SIK3: variants seen among roughly 807,000 people sequenced by gnomAD.
SIK3 encodes the protein serine/threonine-protein kinase SIK3.
A neutral mutation model predicts 144.2 loss-of-function variants in SIK3; 28 were observed. That is an observed-to-expected ratio of 0.19 (90% CI 0.14 to 0.27). The LOEUF (loss-of-function observed/expected upper bound fraction) is 0.27. SIK3 is among the 10% of genes least tolerant of loss of function. The pLI is 1.00. For missense variants in SIK3, 1,319 were observed against 1,776.0 expected (o/e 0.74, Z 4.62); for synonymous variants, 686 against 676.3 (o/e 1.01, Z -0.22).
At position 116,861,358 on chromosome 11, in the gene SIK3, G is replaced by C; in HGVS notation, c.2341C>G (p.Pro781Ala). ...AGATGGTTGTTGGGGTGGTTGGGGG[G>C]TGGGCTTGAAGGCTGAATCCTTAAC... ...QRLRIQPSSP[P>A]PNHPNNHLFR... is the part of the protein sequence containing the mutation. Residue 781 changes from proline (P) to alanine (A), a missense_variant, in exon 19 of 25, where the codon CCC becomes GCC. Physicochemically the swap from Pro to Ala is conservative, Grantham distance 27 (BLOSUM62 -1). Transcript: ENST00000445177. The C allele has an allele frequency of 6.3e-7, 1 of 1,597,046 alleles. No homozygotes were observed. The highest frequency in any genetic ancestry group is 8.5e-7 in the Non-Finnish European group (1 of 1,174,294).
intron 1 of SIK3, among the ~76,000 whole-genome samples, chr11:116,984,004 TCATGCCACTGCACTCCAGC>T (rs1950241267): frequency 7.3e-6 from 1 of 137,060 alleles, no homozygotes; most frequent in Admixed American, 8.0e-5. Flanking sequence ...TGAGTCATGA[TCATGCCACTGCACTCCAGC>T]CTGGGTGACA....
intron 4 of SIK3, among the ~76,000 whole-genome samples, chr11:116,910,522 G>A (rs188355610): frequency 1.1e-4 from 16 of 152,068 alleles, no homozygotes; most frequent in East Asian, 7.7e-4. Flanking sequence ...CAAAACCACA[G>A]GCACTTTGTA....
At chr11:116,921,651 G>T (rs897901679) in intron 4 of SIK3, among the ~76,000 whole-genome samples, 2 of 152,150 alleles carry the variant, frequency 1.3e-5, no homozygotes, top group Non-Finnish European at 2.9e-5. Context: ...TTACGGGCAT[G>T]AGCCACCTCT....
At chr11:116,878,377 C>T (rs1944368412) in intron 6 of SIK3, among the ~76,000 whole-genome samples, 1 of 145,740 alleles carries the variant, frequency 6.9e-6, no homozygotes. Flanking sequence ...ACTTCTCTCT[C>T]TCCCTTTTTT....
At chr11:116,940,619 G>A (rs375691419) in intron 3 of SIK3, among the ~76,000 whole-genome samples, 163 of 151,976 alleles carry the variant, frequency 1.1e-3, no homozygotes, top group African/African-American at 3.7e-3. Context: ...GAAATGACTG[G>A]ATGATCAGAC....
At chr11:116,977,723 C>T (rs1294589776) in intron 1 of SIK3, among the ~76,000 whole-genome samples, 3 of 152,254 alleles carry the variant, frequency 2.0e-5, no homozygotes, top group Admixed American at 6.5e-5. Context: ...AATTTTAAGA[C>T]AGGTAGAATA....
intron 3 of SIK3, among the ~76,000 whole-genome samples, chr11:116,928,257 T>TC (rs1234610980): frequency 6.6e-6 from 1 of 152,192 alleles, no homozygotes; most frequent in Non-Finnish European, 1.5e-5. Context: ...AACATACATA[T>TC]CTTTGACTCA....
chr11:116,850,339 G>A (rs1419441030), intron 21 of SIK3, among the ~76,000 whole-genome samples: 3 of 152,116 alleles, frequency 2.0e-5, no homozygotes, highest in Non-Finnish European at 4.4e-5. Context: ...AGTCAAATGG[G>A]ACCACTTAAC....
intron 1 of SIK3, among the ~76,000 whole-genome samples, chr11:117,012,849 CTTTTT>C (rs10652499): frequency 2.0e-4 from 19 of 96,062 alleles, no homozygotes; most frequent in African/African-American, 7.5e-4. Context: ...GCCATTACTG[CTTTTT>C]TTTTTTTTTT....
chr11:116,954,059 C>T lies in SIK3; in HGVS notation c.439G>A (p.Gly147Arg). ...ATGTACTTACCAAATATTTCCCCTC[C>T]ACTAGCATATTCTGTCACCAGATAA... ...MIYLVTEYAS[G>R]GEIFDHLVAH... The change falls in exon 3 of 25, where the codon GGA (glycine) becomes AGA (arginine). Residue 147 changes from glycine (G) to arginine (R), a missense_variant. Physicochemically the swap from Gly to Arg is moderately radical, Grantham distance 125 (BLOSUM62 -2). Coordinates refer to ENST00000445177, the MANE Select transcript of SIK3 (RefSeq NM_001366686.3). 2 of 1,613,802 alleles carry T rather than the reference C, an allele frequency of 1.2e-6. No individual in the cohort carries two copies. Among genetic ancestry groups the T allele is most frequent in the South Asian group, 1.1e-5 (1 of 91,042 alleles).
intron 1 of SIK3, among the ~76,000 whole-genome samples, chr11:117,085,842 G>A (rs1371902628): frequency 3.9e-5 from 6 of 151,988 alleles, no homozygotes; most frequent in South Asian, 2.1e-4. Flanking sequence ...AAAATTGGCC[G>A]GGCATGGTGG....
At chr11:116,957,423 A>C (rs1425747512) in intron 1 of SIK3, among the ~76,000 whole-genome samples, 1 of 152,192 alleles carries the variant, frequency 6.6e-6, no homozygotes, top group Non-Finnish European at 1.5e-5. Context: ...TAAGACAAGA[A>C]GCTTTAAATA....
At chr11:117,077,034 T>C (rs1238361311) in intron 1 of SIK3, among the ~76,000 whole-genome samples, 1 of 152,204 alleles carries the variant, frequency 6.6e-6, no homozygotes, top group Non-Finnish European at 1.5e-5. Context: ...TGTGTGTCTG[T>C]AGTCCTAGCT....
At chr11:117,055,783 G>C (rs577933653) in intron 1 of SIK3, among the ~76,000 whole-genome samples, 1 of 152,172 alleles carries the variant, frequency 6.6e-6, no homozygotes, top group Non-Finnish European at 1.5e-5. Flanking sequence ...GGGTTCCTCC[G>C]TTCATGAATG....
At chr11:117,078,810 C>T (rs973278732) in intron 1 of SIK3, among the ~76,000 whole-genome samples, 3 of 152,138 alleles carry the variant, frequency 2.0e-5, no homozygotes, top group Non-Finnish European at 2.9e-5. Flanking sequence ...CTATCTGCTT[C>T]GACATCAGTG....
At chr11:116,972,738 GTCATAT>G (rs1490684942) in intron 1 of SIK3, among the ~76,000 whole-genome samples, 1 of 151,914 alleles carries the variant, frequency 6.6e-6, no homozygotes. Context: ...AAAAATAAAA[GTCATAT>G]TCTGTGTGAC....
At chr11:116,948,126 T>C (rs753149231) in intron 3 of SIK3, among the ~76,000 whole-genome samples, 2 of 151,160 alleles carry the variant, frequency 1.3e-5, no homozygotes, top group Admixed American at 6.6e-5. Flanking sequence ...TTTGTAGAGA[T>C]GGTGTTTCAC....
At chr11:117,051,280 G>T (rs995504884) in intron 1 of SIK3, among the ~76,000 whole-genome samples, 3 of 152,062 alleles carry the variant, frequency 2.0e-5, no homozygotes, top group Non-Finnish European at 4.4e-5. Context: ...CTTCAGCCTT[G>T]ATTCCCCTGG....
At chr11:116,905,124 A>G (rs1397947931) in intron 4 of SIK3, 1 of 157,368 alleles carries the variant, frequency 6.4e-6, no homozygotes, top group Non-Finnish European at 1.5e-5. Context: ...TCTTTCACCA[A>G]TGGCCCAGCC....
Sources: allele counts gnomAD v4.1 joint callset (sites outside exome capture counted in the v4.1 genomes callset), GRCh38; gene constraint gnomAD v4.1.1; transcripts MANE v1.5; gene names NCBI Gene and HGNC (gene_info 2026-07-23, HGNC 2026-07-21).